MICU2: variants seen among roughly 807,000 people sequenced by gnomAD.
The protein encoded by MICU2 is calcium uptake protein 2, mitochondrial.
A neutral mutation model predicts 60.4 loss-of-function variants in MICU2; 64 were observed. That is an observed-to-expected ratio of 1.06 (90% CI 0.87 to 1.31). MICU2 has a LOEUF of 1.31. MICU2 is among the 50% of genes most tolerant of loss of function. The pLI is 0.00. For synonymous variants in MICU2, 201 were observed against 175.0 expected (o/e 1.15, Z -1.17); for missense variants, 569 against 531.0 (o/e 1.07, Z -0.70).
In MICU2 at chr13:21,602,158, G is replaced by C. The variant is rs1045347842; in HGVS notation, c.210+1781C>G. Among the ~76,000 whole-genome samples the C allele has an allele frequency of 4.6e-5, 7 of 151,656 alleles. No homozygotes were observed. In the East Asian group the frequency reaches 1.2e-3, roughly 25 times the overall value. The stretch of plus-strand genomic sequence containing the variant: ...TTGGCAAAATGAGACACTGAAGAAG[G>C]GTTTCTGAAGAAGGGTACACTGTGT... On this transcript the variant is annotated intron_variant, in intron 1 of 11. Transcript: ENST00000382374.
intron 2 of MICU2, among the ~76,000 whole-genome samples, chr13:21,559,105 G>T (rs1177218296): frequency 1.3e-5 from 2 of 152,124 alleles, no homozygotes; most frequent in African/African-American, 4.8e-5. Context: ...TTAAACAGAT[G>T]TTCTTTAATG....
chr13:21,596,055 T>C (rs142209663), intron 1 of MICU2, among the ~76,000 whole-genome samples: 3 of 152,356 alleles, frequency 2.0e-5, no homozygotes, highest in East Asian at 3.9e-4. Flanking sequence ...TCTAGTAATA[T>C]TCAAAATCCT....
chr13:21,505,078 G>A (rs1886262132), intron 8 of MICU2, among the ~76,000 whole-genome samples: 2 of 152,096 alleles, frequency 1.3e-5, no homozygotes, highest in Non-Finnish European at 2.9e-5. Context: ...GAGAAGACTT[G>A]AGGCCAATTT....
intron 1 of MICU2, among the ~76,000 whole-genome samples, chr13:21,588,623 T>C (rs1251500658): frequency 1.3e-5 from 2 of 152,198 alleles, no homozygotes; most frequent in Non-Finnish European, 2.9e-5. Context: ...AGTCAGCCCT[T>C]GTTCATCCCC....
intron 9 of MICU2, among the ~76,000 whole-genome samples, chr13:21,501,719 T>C (rs181199915): frequency 1.3e-5 from 2 of 152,334 alleles, no homozygotes; most frequent in African/African-American, 2.4e-5. Flanking sequence ...GTCTGGCCAA[T>C]AGCCAAGTGT....
intron 2 of MICU2, among the ~76,000 whole-genome samples, chr13:21,546,654 G>A (rs1887426171): frequency 6.6e-6 from 1 of 152,192 alleles, no homozygotes; most frequent in Non-Finnish European, 1.5e-5. Flanking sequence ...AGTAGTTTTA[G>A]CAGAGGAGGC....
intron 1 of MICU2, among the ~76,000 whole-genome samples, chr13:21,579,157 T>A (rs1289681010): frequency 6.6e-6 from 1 of 152,190 alleles, no homozygotes; most frequent in Non-Finnish European, 1.5e-5. Context: ...GAGCCAGATA[T>A]TATACCAAAA....
intron 2 of MICU2, among the ~76,000 whole-genome samples, chr13:21,561,536 T>C (rs61952262): frequency 1.3e-5 from 2 of 150,512 alleles, no homozygotes; most frequent in Non-Finnish European, 3.0e-5. Flanking sequence ...TACTCACCCA[T>C]TAAAAAAAAA....
intron 11 of MICU2, among the ~76,000 whole-genome samples, chr13:21,494,562 T>C (rs1885942710): frequency 6.6e-6 from 1 of 152,250 alleles, no homozygotes; most frequent in Non-Finnish European, 1.5e-5. Flanking sequence ...CCTCATGGTA[T>C]GGGTCAAGAA....
rs190052628 is a variant in MICU2, at chr13:21,520,071, C to A, written c.597+1174G>T. On this transcript the variant is annotated intron_variant, in intron 6 of 11. Transcript: ENST00000382374. ...TGATCTGCTTTTAGTAGGTAAGTCC[C>A]CTTTTCTAAAATTTCAAATAAATGT... is the stretch of plus-strand genomic sequence containing the variant. 1.3e-3 allele frequency among the ~76,000 whole-genome samples: 204 copies of A among 152,274 alleles called. 1 individual carries two copies. Among genetic ancestry groups the A allele is most frequent in the Admixed American group, 0.013 (201 of 15,286 alleles).
chr13:21,499,989 T>C (rs747157011), intron 9 of MICU2, among the ~76,000 whole-genome samples: 1 of 152,172 alleles, frequency 6.6e-6, no homozygotes, highest in South Asian at 2.1e-4. Flanking sequence ...ACAGCTTTGC[T>C]TACTGTCCAG....
At chr13:21,603,876 G>C (rs1258903324) in intron 1 of MICU2, 63 bp downstream of exon 1, 18 of 1,570,742 alleles carry the variant, frequency 1.1e-5, no homozygotes, top group Non-Finnish European at 1.6e-5. Flanking sequence ...ACCACTCCCC[G>C]CCTAAGGGCG....
At chr13:21,583,135 G>A (rs1047986314) in intron 1 of MICU2, among the ~76,000 whole-genome samples, 13 of 152,144 alleles carry the variant, frequency 8.5e-5, no homozygotes, top group African/African-American at 3.1e-4. Context: ...CATGCCTGTA[G>A]TCCTAGCTAC....
intron 4 of MICU2, among the ~76,000 whole-genome samples, chr13:21,528,654 T>C (rs879342109): frequency 2.0e-5 from 3 of 152,230 alleles, no homozygotes; most frequent in African/African-American, 7.2e-5. Flanking sequence ...TGCTAGCCAT[T>C]GCGCTTAGAC....
intron 6 of MICU2, among the ~76,000 whole-genome samples, chr13:21,521,009 C>T (rs1387518361): frequency 1.3e-5 from 2 of 151,978 alleles, no homozygotes; most frequent in Admixed American, 1.3e-4. Context: ...AAAAATGTAA[C>T]CCTAAAAAAC....
intron 6 of MICU2, among the ~76,000 whole-genome samples, chr13:21,515,088 T>G (rs1260457422): frequency 1.3e-5 from 2 of 149,782 alleles, no homozygotes; most frequent in African/African-American, 4.9e-5. Flanking sequence ...GTATATAGTT[T>G]TTTTTTTTTT....
At chr13:21,592,550 C>G (rs1160118215) in intron 1 of MICU2, among the ~76,000 whole-genome samples, 1 of 152,074 alleles carries the variant, frequency 6.6e-6, no homozygotes, top group Non-Finnish European at 1.5e-5. Context: ...CAGGAAAAGA[C>G]ACAACAAAAA....
intron 1 of MICU2, among the ~76,000 whole-genome samples, chr13:21,585,813 G>A (rs1176026797): frequency 6.6e-6 from 1 of 151,900 alleles, no homozygotes; most frequent in African/African-American, 2.4e-5. Context: ...TTTAACATCT[G>A]TAATCATCTC....
chr13:21,503,124 A>G (rs773613035), intron 8 of MICU2, 27 bp from the exon 9 acceptor site: 2 of 1,536,984 alleles, frequency 1.3e-6, no homozygotes, highest in African/African-American at 1.4e-5. Flanking sequence ...AAAATTAGTA[A>G]GGTAACTAGT....
Sources: allele counts gnomAD v4.1 joint callset (sites outside exome capture counted in the v4.1 genomes callset), GRCh38; gene constraint gnomAD v4.1.1; transcripts MANE v1.5; gene names NCBI Gene and HGNC (gene_info 2026-07-23, HGNC 2026-07-21).